HNRNPD: variants seen among roughly 807,000 people sequenced by gnomAD.
The protein encoded by HNRNPD is heterogeneous nuclear ribonucleoprotein D0.
HNRNPD carries 3 observed loss-of-function variants against 47.9 expected under a neutral mutation model. The observed-to-expected ratio is 0.06, with a 90% CI of 0.03 to 0.16. HNRNPD has a LOEUF of 0.16. HNRNPD is among the 10% of genes least tolerant of loss of function. The pLI, the probability that HNRNPD is intolerant of heterozygous loss-of-function variation, is 1.00. For missense variants in HNRNPD, 287 were observed against 454.2 expected, an observed-to-expected ratio of 0.63 and a Z score of 3.35; for synonymous variants, 171 against 165.1, an observed-to-expected ratio of 1.04 and a Z score of -0.28.
chr4:82,371,500 A>G, intron 2 of HNRNPD, 28 bp downstream of exon 2: 1 of 1,574,606 alleles, frequency 6.4e-7, no homozygotes, highest in Non-Finnish European at 8.7e-7. Context: ...AACCTTTATA[A>G]TACAGAAATA....
chr4:82,365,732 G>A (rs1719718171), intron 2 of HNRNPD, among the ~76,000 whole-genome samples: 1 of 151,042 alleles, frequency 6.6e-6, no homozygotes, highest in African/African-American at 2.4e-5. Flanking sequence ...AAGCTCCTGG[G>A]TAGCTGAGAC....
chr4:82,373,224 G>A (rs1377426324), intron 1 of HNRNPD: 5 of 728,892 alleles, frequency 6.9e-6, no homozygotes, highest in East Asian at 2.8e-5. Context: ...GACGGCTAAA[G>A]GTGGAAACGT....
In HNRNPD at chr4:82,373,608, C is replaced by T. The variant is rs1720249170; in HGVS notation, c.71G>A (p.Gly24Asp). The change falls in exon 1 of 9, where the codon GGC becomes GAC. Residue 24 changes from glycine (G) to aspartate (D), a missense_variant. Transcript: ENST00000313899. ...AATAAVGGSA[G>D]EQEGAMVAAT... is the part of the protein sequence containing the mutation. ...CGCCACCATGGCTCCCTCCTGCTCG[C>T]CCGCCGAGCCGCCTACCGCCGCCGT... 3 of 1,529,182 alleles carry T rather than the reference C, an allele frequency of 2.0e-6. No homozygotes were observed. The highest frequency in any genetic ancestry group is 4.0e-5 in the Admixed American group (2 of 50,538). The allele number at this position is 1,529,182 out of a possible 1,614,324, so 94.7% of individuals were successfully genotyped here.
At chr4:82,361,909 C>T (rs1324299568) in intron 2 of HNRNPD, among the ~76,000 whole-genome samples, 1 of 152,122 alleles carries the variant, frequency 6.6e-6, no homozygotes, top group Non-Finnish European at 1.5e-5. Flanking sequence ...GCTATCCCTC[C>T]TAAACTAATA....
chr4:82,369,772 A>G (rs1030448949), intron 2 of HNRNPD, among the ~76,000 whole-genome samples: 1 of 152,208 alleles, frequency 6.6e-6, no homozygotes, highest in Admixed American at 6.5e-5. Flanking sequence ...ATAGGGCTGC[A>G]TAATTGGAAA....
intron 4 of HNRNPD, chr4:82,357,688 C>A: frequency 3.3e-6 from 1 of 304,164 alleles, no homozygotes; most frequent in Non-Finnish European, 6.0e-6. Context: ...ACATTTACTA[C>A]CTAACTCAAG....
At chr4:82,355,117 A>G in intron 8 of HNRNPD, 187 bp downstream of exon 8, 1 of 579,200 alleles carries the variant, frequency 1.7e-6, no homozygotes, top group Non-Finnish European at 3.0e-6. Context: ...TGACTTGTTA[A>G]TAATAGGACA....
chr4:82,360,928 G>GT (rs1234390751), intron 2 of HNRNPD, among the ~76,000 whole-genome samples: 1 of 152,206 alleles, frequency 6.6e-6, no homozygotes, highest in African/African-American at 2.4e-5. Flanking sequence ...TCAGTGCAGA[G>GT]TAAGTCTTAG....
At chr4:82,367,032 T>C (rs1281479672) in intron 2 of HNRNPD, among the ~76,000 whole-genome samples, 2 of 151,132 alleles carry the variant, frequency 1.3e-5, no homozygotes, top group African/African-American at 4.9e-5. Flanking sequence ...TAGCCTTTTT[T>C]TTTTTTTTTT....
At chr4:82,355,234 T>A in intron 8 of HNRNPD, 70 bp downstream of exon 8, 1 of 852,038 alleles carries the variant, frequency 1.2e-6, no homozygotes, top group Non-Finnish European at 1.9e-6. Context: ...TTAAGCATTG[T>A]TTTATGAACA....
At chr4:82,355,932 CA>C (rs1423117512) in intron 7 of HNRNPD, 1 of 153,518 alleles carries the variant, frequency 6.5e-6, no homozygotes, top group Non-Finnish European at 1.4e-5. Context: ...TAAAACAATG[CA>C]ACCAATGCAA....
chr4:82,365,500 G>A (rs1440537698), intron 2 of HNRNPD, among the ~76,000 whole-genome samples: 5 of 151,956 alleles, frequency 3.3e-5, no homozygotes, highest in African/African-American at 4.8e-5. Flanking sequence ...TCACACGTTA[G>A]GGTATTTTAC....
chr4:82,372,139 G>C (rs1410488266), intron 1 of HNRNPD, among the ~76,000 whole-genome samples: 1 of 151,156 alleles, frequency 6.6e-6, no homozygotes, highest in Non-Finnish European at 1.5e-5. Flanking sequence ...TCTCTTTACA[G>C]TTAAAAAAAA....
intron 2 of HNRNPD, among the ~76,000 whole-genome samples, chr4:82,370,981 T>TATACACAC (rs142474751): frequency 0.012 from 1,859 of 149,422 alleles, 37 homozygotes; most frequent in East Asian, 0.1. Context: ...GGTATATATA[T>TATACACAC]ACACACACAC....
intron 2 of HNRNPD, among the ~76,000 whole-genome samples, chr4:82,365,238 T>C (rs1387502268): frequency 6.6e-6 from 1 of 152,190 alleles, no homozygotes; most frequent in Non-Finnish European, 1.5e-5. Context: ...CATGGCTTTA[T>C]AACAAGTTCT....
At chr4:82,373,403 G>T in intron 1 of HNRNPD, 43 bp downstream of exon 1, 1 of 1,528,850 alleles carries the variant, frequency 6.5e-7, no homozygotes, top group Non-Finnish European at 8.8e-7. Context: ...GAGGGGGAGG[G>T]GGACTAGTTG....
At chr4:82,368,620 G>A (rs1001025207) in intron 2 of HNRNPD, among the ~76,000 whole-genome samples, 6 of 152,234 alleles carry the variant, frequency 3.9e-5, no homozygotes, top group Admixed American at 2.0e-4. Context: ...TTTTTAACTC[G>A]GGAAATTTGT....
At position 82,373,517 on chromosome 4, in the gene HNRNPD, T is replaced by C. The variant is rs1720232468; in HGVS notation, c.162A>G (p.Gly54=). ...GAGTGGGTAS[G]GTEGGSAESE... ...ACTCGGCGCTGCCCCCTTCGGTGCC[T>C]CCAGACGCGGTTCCGCCCCCGGTCC... The change falls in exon 1 of 9, where the codon GGA becomes GGG. Residue 54 remains glycine (G), a synonymous_variant. Transcript: ENST00000313899. 3 of 1,541,828 alleles carry C rather than the reference T, an allele frequency of 1.9e-6. No individual in the cohort carries two copies. The highest frequency in any genetic ancestry group is 5.0e-5 in the East Asian group (2 of 39,688).
chr4:82,368,342 G>C (rs1719868250), intron 2 of HNRNPD, among the ~76,000 whole-genome samples: 1 of 152,034 alleles, frequency 6.6e-6, no homozygotes, highest in Non-Finnish European at 1.5e-5. Flanking sequence ...TAGGACGATA[G>C]CAGAGTACCC....
Sources: allele counts gnomAD v4.1 joint callset (sites outside exome capture counted in the v4.1 genomes callset), GRCh38; gene constraint gnomAD v4.1.1; transcripts MANE v1.5; gene names NCBI Gene and HGNC (gene_info 2026-07-23, HGNC 2026-07-21).